The following EEPD1 variants were observed in gnomAD, a reference collection of about 807,000 sequenced individuals.
EEPD1 encodes endonuclease/exonuclease/phosphatase family domain-containing protein 1.
EEPD1 carries 17 observed loss-of-function variants against 46.3 expected under a neutral mutation model. That is an observed-to-expected ratio of 0.37 (90% CI 0.25 to 0.55). The LOEUF is 0.55. EEPD1 is among the 20% of genes least tolerant of loss of function. EEPD1 has a pLI of 0.83. For missense variants in EEPD1, 673 were observed against 745.6 expected (o/e 0.90, Z 1.13); for synonymous variants, 313 against 315.6 (o/e 0.99, Z 0.09).
chr7:36,160,676 T>TGGG (rs150571892), intron 2 of EEPD1, among the ~76,000 whole-genome samples: 2,086 of 33,446 alleles, frequency 0.062, 33 homozygotes, highest in South Asian at 0.1. Context: ...TGGGAGGTGG[T>TGGG]GGGGGGCGGG....
intron 2 of EEPD1, among the ~76,000 whole-genome samples, chr7:36,219,242 C>T (rs771662379): frequency 2.0e-5 from 3 of 151,782 alleles, no homozygotes; most frequent in African/African-American, 4.8e-5. Flanking sequence ...CCTAAACTTT[C>T]TTGTAGATTT....
intron 3 of EEPD1, among the ~76,000 whole-genome samples, chr7:36,260,203 A>G (rs563586922): frequency 6.6e-6 from 1 of 152,324 alleles, no homozygotes; most frequent in East Asian, 1.9e-4. Context: ...ATTTGCTTTT[A>G]GCCTAAAAAT....
At position 36,206,285 on chromosome 7, in the gene EEPD1, T is replaced by C. The variant is rs999871840; in HGVS notation, c.879-32700T>C. Among the ~76,000 whole-genome samples the C allele has an allele frequency of 1.1e-4, 17 of 152,304 alleles. 1 individual carries two copies. Among genetic ancestry groups the C allele is most frequent in the Admixed American group, 1.1e-3 (17 of 15,298 alleles). ...GGGGCTGTGTGCAATGTGAGCCACA[T>C]ATGCAATTTTAAATTTTCTTTTAAA... On this transcript the variant is annotated intron_variant, in intron 2 of 7. Transcript: ENST00000242108.
chr7:36,226,304 C>A (rs756248720), intron 2 of EEPD1, among the ~76,000 whole-genome samples: 32 of 152,136 alleles, frequency 2.1e-4, no homozygotes, highest in Non-Finnish European at 3.8e-4. Flanking sequence ...CTAATAGCCG[C>A]CATTCCGAGA....
At chr7:36,218,181 C>T (rs983878974) in intron 2 of EEPD1, among the ~76,000 whole-genome samples, 14 of 152,192 alleles carry the variant, frequency 9.2e-5, no homozygotes, top group Admixed American at 2.6e-4. Context: ...TTCAAGTGCA[C>T]GAGGGGGGCT....
intron 7 of EEPD1, among the ~76,000 whole-genome samples, chr7:36,298,656 G>A (rs1308839502): frequency 6.6e-6 from 1 of 152,012 alleles, no homozygotes; most frequent in Admixed American, 6.5e-5. Flanking sequence ...CTTTGGACTT[G>A]GGATGTCTTT....
chr7:36,209,098 A>G (rs1411350433), intron 2 of EEPD1, among the ~76,000 whole-genome samples: 3 of 152,112 alleles, frequency 2.0e-5, no homozygotes, highest in Non-Finnish European at 2.9e-5. Flanking sequence ...GGTAATAACA[A>G]TGGGGTTGTG....
At position 36,236,925 on chromosome 7, in the gene EEPD1, C is replaced by T. The variant is rs184146969; in HGVS notation, c.879-2060C>T. 1.2e-4 allele frequency among the ~76,000 whole-genome samples: 18 copies of T among 152,314 alleles called. No individual in the cohort carries two copies. The East Asian group carries it at 3.1e-3, about 26-fold the overall frequency. On this transcript the variant is annotated intron_variant, in intron 2 of 7. Transcript: ENST00000242108. Reference sequence around the variant, plus strand: ...AAGCAGGCCCCCTAGCCAGCAGGGGCAACCCGCTCGCCTACCATACCAGGC... The same window carrying T: ...AAGCAGGCCCCCTAGCCAGCAGGGGTAACCCGCTCGCCTACCATACCAGGC...
At chr7:36,210,054 T>G (rs538227391) in intron 2 of EEPD1, among the ~76,000 whole-genome samples, 1 of 152,138 alleles carries the variant, frequency 6.6e-6, no homozygotes, top group Admixed American at 6.5e-5. Flanking sequence ...TTGGACTTCC[T>G]GCAGGCAGCG....
intron 2 of EEPD1, among the ~76,000 whole-genome samples, chr7:36,167,143 C>A (rs1010403908): frequency 5.3e-5 from 8 of 152,116 alleles, no homozygotes; most frequent in African/African-American, 1.9e-4. Context: ...CCCTGATGGC[C>A]TTCTTTTACC....
At chr7:36,282,834 C>G (rs1263432183) in intron 4 of EEPD1, among the ~76,000 whole-genome samples, 1 of 152,210 alleles carries the variant, frequency 6.6e-6, no homozygotes, top group Non-Finnish European at 1.5e-5. Flanking sequence ...ATTGTGGGCC[C>G]AATGTGGCCA....
At chr7:36,158,497 G>T (rs1238991772) in intron 2 of EEPD1, among the ~76,000 whole-genome samples, 1 of 152,200 alleles carries the variant, frequency 6.6e-6, no homozygotes, top group Non-Finnish European at 1.5e-5. Context: ...GGGAGTTAGA[G>T]TCTTCTCTTT....
chr7:36,200,995 C>G (rs1277592598), intron 2 of EEPD1, among the ~76,000 whole-genome samples: 2 of 152,196 alleles, frequency 1.3e-5, no homozygotes, highest in Non-Finnish European at 2.9e-5. Context: ...ATGGGACATA[C>G]CTGTCATCCT....
At chr7:36,174,614 C>T (rs1785146927) in intron 2 of EEPD1, among the ~76,000 whole-genome samples, 2 of 152,150 alleles carry the variant, frequency 1.3e-5, no homozygotes, top group Non-Finnish European at 2.9e-5. Context: ...GTGTGTATTT[C>T]CAGAGCCCTT....
intron 2 of EEPD1, among the ~76,000 whole-genome samples, chr7:36,231,260 T>C (rs960257145): frequency 2.0e-5 from 3 of 151,976 alleles, no homozygotes; most frequent in African/African-American, 4.8e-5. Context: ...TCTAATCCCA[T>C]TGTAGATCTT....
chr7:36,281,908 T>A (rs1373691921), intron 4 of EEPD1, among the ~76,000 whole-genome samples: 1 of 152,214 alleles, frequency 6.6e-6, no homozygotes, highest in African/African-American at 2.4e-5. Flanking sequence ...ATCCCTAGTA[T>A]ACCTAACATG....
intron 2 of EEPD1, among the ~76,000 whole-genome samples, chr7:36,197,902 TAAAAAAATAA>T (rs1562683134): frequency 6.7e-6 from 1 of 149,572 alleles, no homozygotes; most frequent in Admixed American, 6.6e-5. Flanking sequence ...AAAAAAAAAA[TAAAAAAATAA>T]AAAAAAATAT....
At chr7:36,167,569 C>T (rs1005396255) in intron 2 of EEPD1, among the ~76,000 whole-genome samples, 2 of 152,106 alleles carry the variant, frequency 1.3e-5, no homozygotes, top group African/African-American at 2.4e-5. Flanking sequence ...TCTACACTGC[C>T]ACCCCCACGC....
At chr7:36,201,753 A>G (rs1785715612) in intron 2 of EEPD1, among the ~76,000 whole-genome samples, 1 of 151,914 alleles carries the variant, frequency 6.6e-6, no homozygotes, top group Non-Finnish European at 1.5e-5. Context: ...ACCCTCTTGG[A>G]TGGTGTTTTC....
Sources: allele counts gnomAD v4.1 joint callset (sites outside exome capture counted in the v4.1 genomes callset), GRCh38; gene constraint gnomAD v4.1.1; transcripts MANE v1.5; gene names NCBI Gene and HGNC (gene_info 2026-07-23, HGNC 2026-07-21).